Variants in TRPM3 observed in about 807,000 individuals in gnomAD.
TRPM3 encodes the protein transient receptor potential cation channel subfamily M member 3, also known as long transient receptor potential channel 3.
Under a neutral mutation model 181.2 loss-of-function variants are expected in TRPM3, and 77 were observed. That is an observed-to-expected ratio of 0.42 (90% CI 0.35 to 0.51). TRPM3 has a LOEUF of 0.51. Among genes scored for constraint, TRPM3 ranks in the 20% least tolerant of loss-of-function variants. The probability of loss-of-function intolerance (pLI) is 0.01; values close to 1 mark genes in which losing one functional copy is unlikely to be tolerated. For missense variants in TRPM3, 1,759 were observed against 2,196.7 expected (o/e 0.80, Z 3.98); for synonymous variants, 745 against 796.4 (o/e 0.94, Z 1.09).
At chr9:71,086,172 C>T (rs1022366571) in intron 1 of TRPM3, among the ~76,000 whole-genome samples, 1 of 151,454 alleles carries the variant, frequency 6.6e-6, no homozygotes, top group African/African-American at 2.4e-5. Context: ...ATAAAGATGG[C>T]AATAATAAAC....
chr9:70,668,995 C>T (rs1473117020), intron 9 of TRPM3, among the ~76,000 whole-genome samples: 2 of 152,128 alleles, frequency 1.3e-5, no homozygotes, highest in East Asian at 1.9e-4. Flanking sequence ...AGCTCAGAAG[C>T]GTTGGGATGG....
chr9:70,753,747 T>C (rs1436575393), intron 8 of TRPM3, among the ~76,000 whole-genome samples: 1 of 152,118 alleles, frequency 6.6e-6, no homozygotes, highest in Admixed American at 6.6e-5. Flanking sequence ...AGGGCAGTTA[T>C]CTTTGGAGTG....
At position 71,121,245 on chromosome 9, in the gene TRPM3, C is replaced by G; in HGVS notation, c.110G>C (p.Arg37Pro). 4 of 1,614,098 alleles carry G rather than the reference C, an allele frequency of 2.5e-6. No homozygotes were observed. Among genetic ancestry groups the G allele is most frequent in the Non-Finnish European group, 3.4e-6 (4 of 1,179,996 alleles). Residue 37 changes from arginine to proline, a missense_variant, in exon 1 of 26, where the codon CGA (arginine) becomes CCA (proline). Around this residue, in one of 8 missense-constraint regions of TRPM3, gnomAD observed 737 missense variants for 957.4 expected, o/e 0.77. Coordinates refer to ENST00000677713, the MANE Select transcript of TRPM3 (RefSeq NM_001366145.2). The stretch of plus-strand genomic sequence containing the variant: ...CTTCCGGATGGTCCAGTTTAGGGGT[C>G]GAGGAGCATCAGCCTGATTCATGAC... ...EGVMNQADAP[R>P]PLNWTIRKLC...
intron 1 of TRPM3, among the ~76,000 whole-genome samples, chr9:71,330,450 A>G (rs2090028893): frequency 6.6e-6 from 1 of 151,846 alleles, no homozygotes; most frequent in Admixed American, 6.6e-5. Context: ...AGAGATAATG[A>G]GCATATTTAT....
At chr9:70,880,190 T>C (rs2095960709) in intron 1 of TRPM3, among the ~76,000 whole-genome samples, 1 of 152,140 alleles carries the variant, frequency 6.6e-6, no homozygotes, top group Non-Finnish European at 1.5e-5. Flanking sequence ...TATCAAATGC[T>C]ATTGTAGGGG....
chr9:70,978,798 C>T (rs2097333210), intron 1 of TRPM3, among the ~76,000 whole-genome samples: 1 of 152,216 alleles, frequency 6.6e-6, no homozygotes, highest in Non-Finnish European at 1.5e-5. Flanking sequence ...GCTACACACT[C>T]ACTGATGCCC....
chr9:71,046,656 T>A (rs1412299621), intron 1 of TRPM3, among the ~76,000 whole-genome samples: 2 of 152,230 alleles, frequency 1.3e-5, no homozygotes, highest in Non-Finnish European at 2.9e-5. Context: ...AGATATTTTT[T>A]TCCTGGAGGA....
intron 22 of TRPM3, among the ~76,000 whole-genome samples, chr9:70,555,918 T>C (rs894594232): frequency 6.6e-6 from 1 of 152,198 alleles, no homozygotes; most frequent in Non-Finnish European, 1.5e-5. Context: ...TTTTTACAAA[T>C]GTGTTCCCTG....
intron 1 of TRPM3, among the ~76,000 whole-genome samples, chr9:70,882,910 C>T (rs1326749321): frequency 6.6e-6 from 1 of 152,060 alleles, no homozygotes; most frequent in Admixed American, 6.6e-5. Context: ...TAATGAAGGT[C>T]GACTCCTTTA....
intron 1 of TRPM3, among the ~76,000 whole-genome samples, chr9:70,942,361 T>C (rs1161662131): frequency 2.0e-5 from 3 of 152,170 alleles, no homozygotes. Context: ...ACTATAAACA[T>C]ATCTAGGCCA....
intron 1 of TRPM3, among the ~76,000 whole-genome samples, chr9:71,217,456 T>C (rs1306232631): frequency 6.6e-6 from 1 of 152,202 alleles, no homozygotes; most frequent in East Asian, 1.9e-4. Context: ...AGTCAACGGC[T>C]AAGCATAGCA....
At chr9:71,136,231 A>T (rs979531298) in intron 1 of TRPM3, among the ~76,000 whole-genome samples, 1 of 152,236 alleles carries the variant, frequency 6.6e-6, no homozygotes, top group African/African-American at 2.4e-5. Context: ...AGATAAGCTG[A>T]AAACATCAAT....
At chr9:71,322,832 T>C (rs539542478) in intron 1 of TRPM3, among the ~76,000 whole-genome samples, 1 of 152,266 alleles carries the variant, frequency 6.6e-6, no homozygotes, top group Admixed American at 6.5e-5. Flanking sequence ...AAATTGTGTT[T>C]AGTTTTTTTA....
At chr9:71,209,601 C>A (rs540137878) in intron 1 of TRPM3, among the ~76,000 whole-genome samples, 1 of 152,274 alleles carries the variant, frequency 6.6e-6, no homozygotes, top group East Asian at 1.9e-4. Context: ...AGGCAAAGAG[C>A]ACCTGCTGAT....
intron 1 of TRPM3, among the ~76,000 whole-genome samples, chr9:71,097,914 A>T (rs372556006): frequency 1.6e-4 from 25 of 152,266 alleles, no homozygotes; most frequent in African/African-American, 5.8e-4. Flanking sequence ...AAAGGACAGG[A>T]TCTATGATTA....
chr9:71,395,185 A>T (rs2093161438), intron 1 of TRPM3, among the ~76,000 whole-genome samples: 1 of 152,172 alleles, frequency 6.6e-6, no homozygotes, highest in Admixed American at 6.5e-5. Flanking sequence ...GCTCAAGTCC[A>T]CATCTATCTT....
intron 8 of TRPM3, among the ~76,000 whole-genome samples, chr9:70,696,386 C>T (rs2070455924): frequency 6.6e-6 from 1 of 152,176 alleles, no homozygotes; most frequent in African/African-American, 2.4e-5. Flanking sequence ...AATACACATC[C>T]TCAGTCTTAC....
chr9:71,298,587 C>G (rs929633481), intron 1 of TRPM3, among the ~76,000 whole-genome samples: 2 of 151,814 alleles, frequency 1.3e-5, no homozygotes, highest in Admixed American at 6.6e-5. Flanking sequence ...CCATCATCTA[C>G]TTTTTAAAAA....
At chr9:70,553,985 C>T (rs1292989451) in intron 22 of TRPM3, among the ~76,000 whole-genome samples, 2 of 151,626 alleles carry the variant, frequency 1.3e-5, no homozygotes, top group African/African-American at 4.9e-5. Context: ...ACCTGTTCTT[C>T]CAGCAGCATT....
Sources: allele counts gnomAD v4.1 joint callset (sites outside exome capture counted in the v4.1 genomes callset), GRCh38; gene constraint gnomAD v4.1.1; regional missense constraint gnomAD v4.1.1; transcripts MANE v1.5; gene names NCBI Gene and HGNC (gene_info 2026-07-23, HGNC 2026-07-21).